Variants in SRGAP3 observed in about 807,000 individuals in gnomAD.
SRGAP3 encodes the protein SLIT-ROBO Rho GTPase activating protein 3.
Under a neutral mutation model 121.1 loss-of-function variants are expected in SRGAP3, and 39 were observed. That is an observed-to-expected ratio of 0.32 (90% CI 0.25 to 0.42). The LOEUF (loss-of-function observed/expected upper bound fraction) is 0.42, where lower values mean the gene tolerates loss of function less well. SRGAP3 is among the 10% of genes least tolerant of loss of function. The pLI is 1.00. For missense variants in SRGAP3, 1,213 were observed against 1,470.6 expected, an observed-to-expected ratio of 0.82 and a Z score of 2.86; for synonymous variants, 601 against 570.0, an observed-to-expected ratio of 1.05 and a Z score of -0.77.
At position 9,145,284 on chromosome 3, in the gene SRGAP3, C is replaced by T. The variant is rs534764181; in HGVS notation, c.68-20367G>A. Among the ~76,000 whole-genome samples the T allele has an allele frequency of 2.0e-4, 31 of 152,188 alleles. No homozygotes were observed. In the South Asian group the frequency reaches 4.4e-3, roughly 21 times the overall value. On this transcript the variant is annotated intron_variant, in intron 1 of 21. Coordinates refer to ENST00000383836, the MANE Select transcript of SRGAP3 (RefSeq NM_014850.4). Reference sequence around the variant, plus strand: ...CTAATTTTTGTAGTTGTGGTAGAGACGGGGTTTCGCCATGTTGGCCAGGCT... The same window carrying T: ...CTAATTTTTGTAGTTGTGGTAGAGATGGGGTTTCGCCATGTTGGCCAGGCT...
intron 1 of SRGAP3, among the ~76,000 whole-genome samples, chr3:9,354,638 C>T (rs1020516054): frequency 9.5e-5 from 14 of 146,968 alleles, no homozygotes; most frequent in African/African-American, 3.6e-4. Flanking sequence ...GCCGAGATTG[C>T]GCCACTGCAC....
intron 1 of SRGAP3, among the ~76,000 whole-genome samples, chr3:9,140,887 A>C (rs1041655834): frequency 2.0e-5 from 3 of 152,234 alleles, no homozygotes; most frequent in Non-Finnish European, 4.4e-5. Flanking sequence ...GAAAGTAATT[A>C]TTGGATCATA....
intron 1 of SRGAP3, among the ~76,000 whole-genome samples, chr3:9,214,842 G>A (rs181770979): frequency 1.7e-3 from 259 of 152,312 alleles, no homozygotes; most frequent in African/African-American, 5.9e-3. Flanking sequence ...AAAATTCATT[G>A]TAGGAAACTA....
At chr3:9,017,819 T>C (rs1010181113) in intron 14 of SRGAP3, among the ~76,000 whole-genome samples, 1 of 152,264 alleles carries the variant, frequency 6.6e-6, no homozygotes, top group African/African-American at 2.4e-5. Context: ...ATTTGAGGTA[T>C]CCATCACCTT....
intron 3 of SRGAP3, among the ~76,000 whole-genome samples, chr3:9,082,237 C>A (rs1947280965): frequency 6.6e-6 from 1 of 152,198 alleles, no homozygotes; most frequent in Non-Finnish European, 1.5e-5. Flanking sequence ...GGAGCAGATG[C>A]CTGTGCTATG....
At chr3:9,326,992 T>C (rs964482750) in intron 2 of SRGAP3, among the ~76,000 whole-genome samples, 6 of 151,846 alleles carry the variant, frequency 4.0e-5, no homozygotes, top group African/African-American at 1.2e-4. Context: ...CTTTTTCTTT[T>C]GTAGTTTACT....
At chr3:9,158,691 G>C (rs17530358) in intron 1 of SRGAP3, among the ~76,000 whole-genome samples, 1 of 151,998 alleles carries the variant, frequency 6.6e-6, no homozygotes, top group South Asian at 2.1e-4. Context: ...TTGCACAGTA[G>C]GGAAAGCACA....
At chr3:9,199,903 A>G (rs1952022253) in intron 1 of SRGAP3, among the ~76,000 whole-genome samples, 2 of 152,256 alleles carry the variant, frequency 1.3e-5, no homozygotes, top group African/African-American at 2.4e-5. Context: ...GAGCTCTTAA[A>G]TAAAGGAACA....
At position 9,152,314 on chromosome 3, in the gene SRGAP3, A is replaced by G. The variant is rs528223013; in HGVS notation, c.68-27397T>C. ...GCCCTCTCCCTCCAGCGACTGGACC[A>G]GGAATGGATAGTGATCCAAGGTGGA... On this transcript the variant is annotated intron_variant, in intron 1 of 21. Transcript: ENST00000383836. Among the ~76,000 whole-genome samples the G allele has an allele frequency of 1.4e-4, 21 of 152,358 alleles. No individual in the cohort carries two copies. The South Asian group carries it at 4.1e-3, about 30-fold the overall frequency.
chr3:9,092,759 A>G (rs1050212362), intron 3 of SRGAP3, among the ~76,000 whole-genome samples: 1 of 152,222 alleles, frequency 6.6e-6, no homozygotes, highest in Non-Finnish European at 1.5e-5. Context: ...CATAAATGTC[A>G]GATAACATAC....
chr3:9,135,406 A>G (rs1349511582), intron 1 of SRGAP3, among the ~76,000 whole-genome samples: 1 of 152,192 alleles, frequency 6.6e-6, no homozygotes, highest in East Asian at 1.9e-4. Flanking sequence ...TCAAGAAAAC[A>G]TGATGATGGA....
intron 1 of SRGAP3, among the ~76,000 whole-genome samples, chr3:9,244,868 T>C (rs930898396): frequency 6.6e-6 from 1 of 152,218 alleles, no homozygotes; most frequent in Non-Finnish European, 1.5e-5. Flanking sequence ...TTTCATTTTC[T>C]TCTCTCTGAC....
chr3:9,333,391 T>C (rs758575617), intron 1 of SRGAP3, among the ~76,000 whole-genome samples: 3 of 152,176 alleles, frequency 2.0e-5, no homozygotes, highest in Non-Finnish European at 4.4e-5. Flanking sequence ...GCTATCAACA[T>C]TACACCCACT....
At chr3:9,099,208 C>G (rs1948109797) in intron 3 of SRGAP3, among the ~76,000 whole-genome samples, 1 of 152,172 alleles carries the variant, frequency 6.6e-6, no homozygotes. Flanking sequence ...CACTCAAGAC[C>G]AAGTCCTTGT....
At chr3:9,329,860 C>A (rs1281334294) in intron 2 of SRGAP3, among the ~76,000 whole-genome samples, 1 of 152,146 alleles carries the variant, frequency 6.6e-6, no homozygotes, top group Admixed American at 6.5e-5. Context: ...GCAAAGAGTG[C>A]AAGGCAGATT....
rs1953933644 is a variant in SRGAP3 at position 9,249,281 on chromosome 3, TCACACACACATGCACACGTA to T, written c.-350_-331del. On this transcript the variant is annotated 5_prime_UTR_variant, in exon 1 of 22. An upstream start codon of the reference 5' UTR is lost. Coordinates refer to ENST00000383836, the MANE Select transcript of SRGAP3 (RefSeq NM_014850.4). Reference sequence around the variant, plus strand: ...TAATAATAGTAATAACCAAGCGCACTCACACACACATGCACACGTACACACACTCACGCATGCACAGGCAC... The same window carrying T: ...TAATAATAGTAATAACCAAGCGCACTCACACACTCACGCATGCACAGGCAC... The T allele has an allele frequency of 2.8e-5, 13 of 459,688 alleles. No individual in the cohort carries two copies. The Admixed American group carries it at 4.1e-4, about 15-fold the overall frequency. The allele number at this position is 459,688 out of a possible 1,614,324, so 28.5% of individuals were successfully genotyped here. A position where few individuals can be genotyped will look rare whatever the true frequency, so the allele number is the denominator to read the frequency against.
intron 3 of SRGAP3, among the ~76,000 whole-genome samples, chr3:9,305,363 CTTTTTT>C (rs1210901472): frequency 2.1e-5 from 2 of 96,732 alleles, no homozygotes; most frequent in Admixed American, 2.0e-4. Context: ...GAGGTCCTCT[CTTTTTT>C]TTTTTTTTTT....
chr3:9,315,447 G>A (rs1349294540), intron 3 of SRGAP3, among the ~76,000 whole-genome samples: 1 of 152,204 alleles, frequency 6.6e-6, no homozygotes, highest in African/African-American at 2.4e-5. Flanking sequence ...TCCAGTCCTG[G>A]AGCTGTGAGT....
intron 1 of SRGAP3, among the ~76,000 whole-genome samples, chr3:9,150,840 T>G (rs1343545752): frequency 6.6e-6 from 1 of 152,238 alleles, no homozygotes; most frequent in African/African-American, 2.4e-5. Flanking sequence ...AACTCCCTAA[T>G]GGACCACATC....
Sources: gnomAD v4.1 joint callset for allele counts (sites outside exome capture counted in the v4.1 genomes callset) on GRCh38, gnomAD v4.1.1 for gene constraint, MANE v1.5 for transcripts, NCBI Gene and HGNC (gene_info 2026-07-23, HGNC 2026-07-21) for gene names.